Variants in VWA8 observed in about 807,000 individuals in gnomAD.
VWA8 encodes von Willebrand factor A domain-containing protein 8.
A neutral mutation model predicts 241.5 loss-of-function variants in VWA8; 221 were observed. That is an observed-to-expected ratio of 0.91 (90% confidence interval 0.82 to 1.02). The LOEUF (loss-of-function observed/expected upper bound fraction) is 1.02. VWA8 is among the 50% of genes least tolerant of loss of function. The probability of loss-of-function intolerance (pLI) is 0.00; values close to 1 mark genes in which losing one functional copy is unlikely to be tolerated. For missense variants in VWA8, 2,322 were observed against 2,328.7 expected (o/e 1.00, Z 0.06); for synonymous variants, 852 against 827.1 (o/e 1.03, Z -0.52).
intron 37 of VWA8, among the ~76,000 whole-genome samples, chr13:41,669,031 C>T (rs901666725): frequency 6.6e-6 from 1 of 151,972 alleles, no homozygotes; most frequent in Admixed American, 6.6e-5. Context: ...GGCAGTGGCT[C>T]GATCTCAGCT....
At chr13:41,698,847 C>A (rs940130809) in intron 29 of VWA8, among the ~76,000 whole-genome samples, 1 of 152,110 alleles carries the variant, frequency 6.6e-6, no homozygotes, top group Non-Finnish European at 1.5e-5. Context: ...GGTTGAAAAA[C>A]CCTGACTTAC....
At chr13:41,787,924 T>C (rs1427546615) in intron 17 of VWA8, among the ~76,000 whole-genome samples, 4 of 152,212 alleles carry the variant, frequency 2.6e-5, no homozygotes, top group African/African-American at 4.8e-5. Context: ...TTGGCAATCA[T>C]AAATTCAAAC....
At position 41,858,188 on chromosome 13, in the gene VWA8, T is replaced by A. The variant is rs1006711349; in HGVS notation, c.1425+7548A>T. Among the ~76,000 whole-genome samples, 8 of 152,318 alleles carry A rather than the reference T, an allele frequency of 5.3e-5. No individual in the cohort carries two copies. In the East Asian group the frequency reaches 1.5e-3, roughly 29 times the overall value. ...TTTCTTACAATAAATCTCTATAGGT[T>A]CTGTTTCTCTATGAAATCCTAACTA... On this transcript the variant is annotated intron_variant, in intron 12 of 44. Transcript: ENST00000379310.
At chr13:41,643,963 A>G (rs534308189) in intron 37 of VWA8, among the ~76,000 whole-genome samples, 3 of 152,276 alleles carry the variant, frequency 2.0e-5, no homozygotes, top group Admixed American at 6.5e-5. Flanking sequence ...TGGCAAGTGT[A>G]TCTCTTAAGG....
At chr13:41,734,878 T>C (rs1004383713) in intron 21 of VWA8, among the ~76,000 whole-genome samples, 10 of 152,164 alleles carry the variant, frequency 6.6e-5, no homozygotes, top group Non-Finnish European at 1.3e-4. Context: ...GAAAAATACA[T>C]TGTGGCAAGT....
chr13:41,711,461 A>G (rs1348149210), intron 26 of VWA8, among the ~76,000 whole-genome samples: 1 of 152,212 alleles, frequency 6.6e-6, no homozygotes, highest in African/African-American at 2.4e-5. Flanking sequence ...AGTTGTAATG[A>G]CTTAATAGCA....
chr13:41,844,371 C>T (rs1566479057), intron 12 of VWA8, among the ~76,000 whole-genome samples: 1 of 152,066 alleles, frequency 6.6e-6, no homozygotes, highest in Non-Finnish European at 1.5e-5. Flanking sequence ...TATGACAAAC[C>T]CACAGGCAAC....
At chr13:41,744,558 A>C (rs750682539) in intron 21 of VWA8, among the ~76,000 whole-genome samples, 4 of 152,164 alleles carry the variant, frequency 2.6e-5, no homozygotes, top group African/African-American at 4.8e-5. Flanking sequence ...ATTCTGGCTA[A>C]AGCAATAAGG....
Position 41,615,040 on chromosome 13 carries a change from T to C in VWA8, c.4656A>G (p.Lys1552=), listed in dbSNP as rs779979046. 3 of 1,613,800 alleles carry C rather than the reference T, an allele frequency of 1.9e-6. No individual in the cohort carries two copies. The African/African-American group carries it at 4.0e-5, about 22-fold the overall frequency. ...RDSGEDVSSP[K]HGKEDPDNMP... ...TGTTGTCTGGGTCCTCCTTCCCGTG[T>C]TTGGGGGAGCTTACATCTTCACCAC... The change falls in exon 38 of 45, where the codon AAA becomes AAG. Residue 1552 remains lysine (K), a synonymous_variant. Coordinates refer to ENST00000379310, the MANE Select transcript of VWA8 (RefSeq NM_015058.2).
chr13:41,677,941 T>G lies in VWA8; in HGVS notation c.4328-2645A>C, dbSNP rs567029267. Among the ~76,000 whole-genome samples the G allele has an allele frequency of 2.0e-5, 3 of 152,302 alleles. No homozygotes were observed. The East Asian group carries it at 5.8e-4, about 29-fold the overall frequency. ...TTATTTCATGCATGTAGTTGAAGGT[T>G]TTTAAATAGGCCAGCTGAAAAACTC... On this transcript the variant is annotated intron_variant, in intron 35 of 44. Coordinates refer to ENST00000379310, the MANE Select transcript of VWA8 (RefSeq NM_015058.2).
intron 17 of VWA8, among the ~76,000 whole-genome samples, chr13:41,800,137 C>T (rs1869882388): frequency 2.6e-5 from 4 of 152,200 alleles, no homozygotes; most frequent in Admixed American, 2.6e-4. Flanking sequence ...TTGTTGCTAA[C>T]ATTTCATTGT....
chr13:41,670,795 T>C, intron 37 of VWA8, 151 bp downstream of exon 37: 1 of 895,358 alleles, frequency 1.1e-6, no homozygotes, highest in Non-Finnish European at 1.6e-6. Flanking sequence ...AATTTGTTTT[T>C]GTCTTTTTAT....
At chr13:41,819,008 G>T (rs369861890) in intron 15 of VWA8, among the ~76,000 whole-genome samples, 263 of 152,216 alleles carry the variant, frequency 1.7e-3, no homozygotes, top group African/African-American at 5.9e-3. Flanking sequence ...TGGAGATGGA[G>T]CCCAGAAACC....
chr13:41,678,562 C>T (rs1348330016), intron 35 of VWA8, among the ~76,000 whole-genome samples: 2 of 152,186 alleles, frequency 1.3e-5, no homozygotes, highest in African/African-American at 4.8e-5. Flanking sequence ...CTAACTTACT[C>T]ATATTTTGGC....
chr13:41,683,781 A>T (rs903436184), intron 35 of VWA8, among the ~76,000 whole-genome samples: 3 of 152,154 alleles, frequency 2.0e-5, no homozygotes, highest in African/African-American at 7.2e-5. Context: ...GGGTGGATAC[A>T]AGATATATTT....
At chr13:41,926,366 G>A in intron 2 of VWA8, 3 of 558,454 alleles carry the variant, frequency 5.4e-6, no homozygotes, top group Admixed American at 2.2e-5. Context: ...GAAGTTTCTT[G>A]GATGAACTGG....
intron 1 of VWA8, among the ~76,000 whole-genome samples, chr13:41,950,477 T>C (rs1335735076): frequency 1.3e-5 from 2 of 152,104 alleles, no homozygotes; most frequent in East Asian, 3.9e-4. Context: ...CACACCATTC[T>C]CCTGCCTCAG....
At chr13:41,681,482 CA>C (rs2045098366) in intron 35 of VWA8, among the ~76,000 whole-genome samples, 1 of 151,908 alleles carries the variant, frequency 6.6e-6, no homozygotes, top group Admixed American at 6.6e-5. Context: ...ACTATTTACA[CA>C]AAGTTTAAAA....
rs150988512 is a variant in VWA8, at chr13:41,949,958, T to C, written c.219A>G (p.Pro73=). The part of the protein sequence containing the change: ...VSYKLKIPKN[P]ELVPQNYISD... Reference sequence around the variant, plus strand: ...TACTGTAGTTCTGTGGCACAAGTTCTGGATTCTTAGGAATTTTCAACTTGT... The same window carrying C: ...TACTGTAGTTCTGTGGCACAAGTTCCGGATTCTTAGGAATTTTCAACTTGT... Residue 73 remains proline, a synonymous_variant, in exon 2 of 45, where the codon CCA becomes CCG. Coordinates refer to ENST00000379310, the MANE Select transcript of VWA8 (RefSeq NM_015058.2). 87 of 1,593,208 alleles carry C rather than the reference T, an allele frequency of 5.5e-5. 1 individual carries two copies. The African/African-American group carries it at 1.0e-3, about 19-fold the overall frequency.
Sources: allele counts gnomAD v4.1 joint callset (sites outside exome capture counted in the v4.1 genomes callset), GRCh38; gene constraint gnomAD v4.1.1; transcripts MANE v1.5; gene names NCBI Gene and HGNC (gene_info 2026-07-23, HGNC 2026-07-21).